Variants in TP73 observed in about 807,000 individuals in gnomAD.
TP73 encodes the protein tumor protein p73.
In TP73, 25 loss-of-function variants were observed where a neutral mutation model predicts 62.5. The ratio of observed to expected loss-of-function variants is 0.40; its 90% confidence interval spans 0.29 to 0.56. The LOEUF (loss-of-function observed/expected upper bound fraction) is 0.56, where lower values mean the gene tolerates loss of function less well. Among genes scored for constraint, TP73 ranks in the 20% least tolerant of loss-of-function variants. The pLI, the probability that TP73 is intolerant of heterozygous loss-of-function variation, is 0.46. For synonymous variants in TP73, 423 were observed against 377.5 expected, an observed-to-expected ratio of 1.12 and a Z score of -1.40; for missense variants, 754 against 913.3, an observed-to-expected ratio of 0.83 and a Z score of 2.25.
chr1:3,723,530 G>C, intron 6 of TP73, 61 bp downstream of exon 6: 12 of 759,704 alleles, frequency 1.6e-5, no homozygotes, highest in Non-Finnish European at 2.3e-5. Context: ...TCGGGGGAGG[G>C]GTCCCCTGAG....
chr1:3,702,663 G>A (rs565896971), intron 3 of TP73, among the ~76,000 whole-genome samples: 5 of 152,318 alleles, frequency 3.3e-5, no homozygotes, highest in East Asian at 3.9e-4. Flanking sequence ...TGGTGCGTCC[G>A]CGGCCTGGAG....
intron 4 of TP73, among the ~76,000 whole-genome samples, chr1:3,720,459 C>A (rs1640979770): frequency 6.6e-6 from 1 of 152,196 alleles, no homozygotes; most frequent in African/African-American, 2.4e-5. Context: ...CACTGAAGGA[C>A]CCCCTTCCAC....
intron 6 of TP73, among the ~76,000 whole-genome samples, chr1:3,725,858 AGTGGG>A (rs1641502561): frequency 1.9e-4 from 1 of 5,168 alleles, no homozygotes; most frequent in Non-Finnish European, 3.6e-4. Flanking sequence ...GGATGGATGG[AGTGGG>A]TGGGTGGGTG....
intron 3 of TP73, among the ~76,000 whole-genome samples, chr1:3,687,350 G>A (rs1159920596): frequency 1.3e-5 from 2 of 152,180 alleles, no homozygotes; most frequent in Admixed American, 6.5e-5. Context: ...GGTGGGGTCT[G>A]CCCTGGCCAC....
intron 5 of TP73, 110 bp from the exon 6 acceptor site, chr1:3,723,244 A>T (rs549155505): frequency 1.4e-5 from 11 of 805,086 alleles, no homozygotes; most frequent in Non-Finnish European, 2.2e-5. Flanking sequence ...TGCACCTGAC[A>T]TGGGGCTGGG....
chr1:3,679,351 G>A (rs115303734), intron 1 of TP73, among the ~76,000 whole-genome samples: 4,389 of 152,328 alleles, frequency 0.029, 85 homozygotes, highest in South Asian at 0.073. Context: ...ACCTGTTCAC[G>A]GAACCCCTGG....
Position 3,729,961 on chromosome 1 carries a change from C to G in TP73, c.1197-39C>G. The G allele has an allele frequency of 2.6e-6, 4 of 1,550,138 alleles. No homozygotes were observed. The South Asian group carries it at 4.9e-5, about 19-fold the overall frequency. On this transcript the variant is annotated intron_variant, in intron 10 of 13. Coordinates refer to ENST00000378295, the MANE Select transcript of TP73 (RefSeq NM_005427.4). ...TGGGTGGTCGGTGGGCACGAGGCTG[C>G]CTTGCTTCCCACCCATGCGAGCCGT...
intron 1 of TP73, among the ~76,000 whole-genome samples, chr1:3,675,925 C>T (rs776975833): frequency 3.3e-5 from 5 of 152,016 alleles, no homozygotes; most frequent in Non-Finnish European, 7.4e-5. Context: ...CAGCCGGAGA[C>T]GGGGTTCCTA....
At chr1:3,732,616 C>G in intron 13 of TP73, 131 bp from the exon 14 acceptor site, 5 of 795,998 alleles carry the variant, frequency 6.3e-6, no homozygotes, top group Non-Finnish European at 9.7e-6. Context: ...CCCCCTCCCC[C>G]GTCTCCTGCC....
chr1:3,654,245 G>A (rs1644818500), intron 1 of TP73, among the ~76,000 whole-genome samples: 1 of 152,226 alleles, frequency 6.6e-6, no homozygotes, highest in South Asian at 2.1e-4. Context: ...TTGTCAATCA[G>A]AGGTAGCCTG....
chr1:3,718,139 C>T (rs544336761), intron 4 of TP73, among the ~76,000 whole-genome samples: 2 of 152,356 alleles, frequency 1.3e-5, no homozygotes, highest in African/African-American at 4.8e-5. Flanking sequence ...CCCCCACTTC[C>T]CGGGGTGGGT....
chr1:3,706,751 G>T (rs979288700), intron 3 of TP73, among the ~76,000 whole-genome samples: 1 of 152,078 alleles, frequency 6.6e-6, no homozygotes, highest in Admixed American at 6.5e-5. Context: ...CCATGCTGGG[G>T]TCCCGGGGCG....
rs1271987185 is a variant in TP73 at position 3,688,589 on chromosome 1, G to C, written c.186+5409G>C. Among the ~76,000 whole-genome samples, 3 of 152,236 alleles carry C rather than the reference G, an allele frequency of 2.0e-5. No homozygotes were observed. The East Asian group carries it at 5.8e-4, about 29-fold the overall frequency. On this transcript the variant is annotated intron_variant, in intron 3 of 13. Transcript: ENST00000378295. ...GAGGACCCAGCAGGGAGGGAACCTGGAGGAGGCGCTAAGGGCCACGCCAAG... is the reference window on the plus strand; with the variant it reads ...GAGGACCCAGCAGGGAGGGAACCTGCAGGAGGCGCTAAGGGCCACGCCAAG...
intron 1 of TP73, among the ~76,000 whole-genome samples, chr1:3,661,712 T>C (rs1341862605): frequency 3.2e-5 from 2 of 61,996 alleles, no homozygotes; most frequent in African/African-American, 8.2e-5. Flanking sequence ...TACACACACA[T>C]GTATTTTGTG....
intron 4 of TP73, among the ~76,000 whole-genome samples, chr1:3,718,472 T>C (rs1640794998): frequency 6.6e-6 from 1 of 151,908 alleles, no homozygotes; most frequent in African/African-American, 2.4e-5. Flanking sequence ...GTCTGCGAAA[T>C]GGGAGCACTG....
chr1:3,714,560 A>G (rs1169793583), intron 4 of TP73, among the ~76,000 whole-genome samples: 1 of 152,232 alleles, frequency 6.6e-6, no homozygotes, highest in Non-Finnish European at 1.5e-5. Context: ...CCCTCGTGGG[A>G]CAGCTCCAGG....
intron 4 of TP73, among the ~76,000 whole-genome samples, chr1:3,716,142 A>G (rs1356908201): frequency 2.0e-5 from 3 of 152,190 alleles, no homozygotes; most frequent in African/African-American, 7.2e-5. Flanking sequence ...GGGCTCTAGC[A>G]GGCCTCCGTC....
In TP73 at chr1:3,721,877, G is replaced by A. The variant is rs1032382572; in HGVS notation, c.430-144G>A. The A allele has an allele frequency of 4.8e-6, 4 of 825,592 alleles. No homozygotes were observed. In the African/African-American group the frequency reaches 7.0e-5, roughly 15 times the overall value. The allele number at this position is 825,592 out of a possible 1,614,324, so 51.1% of individuals were successfully genotyped here. ...AAGGACAGACACCTGGAGGGATTCA[G>A]CAGAGGGGCTGCTTGGGGCAGTCTT... On this transcript the variant is annotated intron_variant, in intron 4 of 13. Transcript: ENST00000378295.
At chr1:3,679,533 CTCTG>C (rs760338791) in intron 1 of TP73, among the ~76,000 whole-genome samples, 3,046 of 144,240 alleles carry the variant, frequency 0.021, 95 homozygotes, top group African/African-American at 0.075. Flanking sequence ...CTCTCCATCT[CTCTG>C]TCTCTCTTTG....
Sources: allele counts gnomAD v4.1 joint callset (sites outside exome capture counted in the v4.1 genomes callset), GRCh38; gene constraint gnomAD v4.1.1; transcripts MANE v1.5; gene names NCBI Gene and HGNC (gene_info 2026-07-23, HGNC 2026-07-21).